FXYD6: variants seen among roughly 807,000 people sequenced by gnomAD.
FXYD6 encodes FXYD domain containing ion transport regulator 6, also known as FXYD domain-containing ion transport regulator 6.
Under a neutral mutation model 16.7 loss-of-function variants are expected in FXYD6, and 7 were observed. That is an observed-to-expected ratio of 0.42 (90% CI 0.24 to 0.79). FXYD6 has a LOEUF of 0.79. Ranked by LOEUF, FXYD6 falls within the 30% of genes least tolerant of loss-of-function variation. The pLI, the probability that FXYD6 is intolerant of heterozygous loss-of-function variation, is 0.28. For synonymous variants in FXYD6, 49 were observed against 43.0 expected, an observed-to-expected ratio of 1.14 and a Z score of -0.54; for missense variants, 111 against 116.2, an observed-to-expected ratio of 0.95 and a Z score of 0.21.
intron 1 of FXYD6, among the ~76,000 whole-genome samples, chr11:117,859,997 T>G (rs1253767251): frequency 6.6e-6 from 1 of 151,936 alleles, no homozygotes; most frequent in East Asian, 1.9e-4. Context: ...GAGTGAGGAG[T>G]TGGGCTCCAT....
chr11:117,839,378 T>G, intron 7 of FXYD6: 1 of 212,594 alleles, frequency 4.7e-6, no homozygotes, highest in Non-Finnish European at 9.4e-6. Flanking sequence ...GGTTGGGAAG[T>G]TTCATAATAA....
intron 1 of FXYD6, among the ~76,000 whole-genome samples, chr11:117,858,681 T>TTCTCTCTC (rs1442848972): frequency 1.1e-5 from 1 of 87,734 alleles, no homozygotes; most frequent in Non-Finnish European, 2.1e-5. Flanking sequence ...CTTTCTTTCT[T>TTCTCTCTC]TCTTTCTTTC....
chr11:117,858,640 T>TTTCA, intron 1 of FXYD6, among the ~76,000 whole-genome samples: 1 of 33,490 alleles, frequency 3.0e-5, no homozygotes, highest in Non-Finnish European at 6.5e-5. Context: ...TTTTTCTTTC[T>TTTCA]TTCTTTCTTT....
chr11:117,867,911 C>G (rs1217638429), intron 1 of FXYD6, among the ~76,000 whole-genome samples: 1 of 152,130 alleles, frequency 6.6e-6, no homozygotes, highest in Non-Finnish European at 1.5e-5. Context: ...CAGCTCTAAA[C>G]CCGGGCAGTG....
chr11:117,858,647 CTTTCTTTCTTTCTTTCTTTCT>C (rs2056801628), intron 1 of FXYD6, among the ~76,000 whole-genome samples: 3 of 52,812 alleles, frequency 5.7e-5, no homozygotes, highest in African/African-American at 2.2e-4. Flanking sequence ...TTCTTTCTTT[CTTTCTTTCTTTCTTTCTTTCT>C]TTCTTTCTTT....
At chr11:117,856,515 G>A (rs933066030) in intron 1 of FXYD6, among the ~76,000 whole-genome samples, 4 of 152,274 alleles carry the variant, frequency 2.6e-5, no homozygotes, top group Admixed American at 6.5e-5. Flanking sequence ...AGGATGCCCT[G>A]CTAAGAAAGA....
Position 117,872,575 on chromosome 11 carries a change from G to C in FXYD6, c.-6+4017C>G, listed in dbSNP as rs1325235461. On this transcript the variant is annotated intron_variant, in intron 1 of 7. Transcript: ENST00000526014. The surrounding 1 kb of genome is among the most constrained non-coding windows in gnomAD (Gnocchi z 4.9). ...CCTGGCTTTGTCCTCCAGCTGCGTG[G>C]GGGTCACTGTTATTCTAACTACACC... Among the ~76,000 whole-genome samples, 1 of 152,178 alleles carries C rather than the reference G, an allele frequency of 6.6e-6. No individual in the cohort carries two copies. Among genetic ancestry groups the C allele is most frequent in the Non-Finnish European group, 1.5e-5 (1 of 68,020 alleles).
At chr11:117,873,036 C>A (rs568858560) in intron 1 of FXYD6, among the ~76,000 whole-genome samples, 3 of 152,156 alleles carry the variant, frequency 2.0e-5, no homozygotes, top group South Asian at 4.1e-4. Flanking sequence ...AAGAACCCCC[C>A]CCAACCGCCG....
intron 1 of FXYD6, chr11:117,868,901 T>A (rs1006160): frequency 0.44 from 66,947 of 152,026 alleles, 15,141 homozygotes; most frequent in East Asian, 0.53. Flanking sequence ...CTGCTCACCT[T>A]TCCGGCATTT....
At chr11:117,842,098 C>G in intron 2 of FXYD6, 70 bp from the exon 3 acceptor site, 1 of 1,607,110 alleles carries the variant, frequency 6.2e-7, no homozygotes, top group Non-Finnish European at 8.5e-7. Flanking sequence ...CTAACCTTGC[C>G]TCACAGACCT....
chr11:117,860,235 G>A (rs1310926580), intron 1 of FXYD6, among the ~76,000 whole-genome samples: 2 of 152,076 alleles, frequency 1.3e-5, no homozygotes, highest in Non-Finnish European at 2.9e-5. Context: ...CACAGGGAGG[G>A]ATCACATCCA....
Position 117,839,802 on chromosome 11 carries a change from T to C in FXYD6, c.288A>G (p.Ter96TrpextTer16), listed in dbSNP as rs1182584910. The change falls in exon 7 of 8, where the codon TGA becomes TGG. Residue 96 changes from the stop codon to tryptophan (W), a stop_lost. Transcript: ENST00000526014. ...TCACCTTCCACCTGATGGCTGCACT[T>C]CAGTTCTCTGCTTTCTGGGGCTCTG... ...NATEPQKAEN[*>W] 6.2e-7 allele frequency: 1 copy of C among 1,614,098 alleles called. No homozygotes were observed. The highest frequency in any genetic ancestry group is 2.2e-5 in the East Asian group (1 of 44,902).
In FXYD6 at chr11:117,838,041, T is replaced by TCA. The variant is rs57385031; in HGVS notation, c.*256_*257dup. The stretch of plus-strand genomic sequence containing the variant: ...GACCACAGTTAGCAAACACACACAG[T>TCA]CACACACACACACACACACACACAC... On this transcript the variant is annotated 3_prime_UTR_variant, in exon 8 of 8. Transcript: ENST00000526014. 0.016 allele frequency: 9,488 copies of TCA among 584,536 alleles called. 22 individuals carry two copies. Among genetic ancestry groups the TCA allele is most frequent in the East Asian group, 0.024 (832 of 34,298 alleles). The allele number at this position is 584,536 out of a possible 1,614,324, so 36.2% of individuals were successfully genotyped here.
chr11:117,862,112 G>A (rs906602847), intron 1 of FXYD6, among the ~76,000 whole-genome samples: 1 of 152,242 alleles, frequency 6.6e-6, no homozygotes, highest in Admixed American at 6.5e-5. Flanking sequence ...GGAAGTGGGA[G>A]AGGCAGGCAA....
chr11:117,869,408 C>T (rs1340265118), intron 1 of FXYD6, among the ~76,000 whole-genome samples: 1 of 152,212 alleles, frequency 6.6e-6, no homozygotes, highest in Non-Finnish European at 1.5e-5. Context: ...CCTTCAGTAG[C>T]CCAACGGCTC....
At chr11:117,871,365 G>A (rs183585780) in intron 1 of FXYD6, among the ~76,000 whole-genome samples, 106 of 151,946 alleles carry the variant, frequency 7.0e-4, no homozygotes, top group Non-Finnish European at 1.2e-4. Context: ...CAGCACACAC[G>A]CTGTTCACTG....
chr11:117,853,138 C>T (rs2056646010), intron 1 of FXYD6, among the ~76,000 whole-genome samples: 1 of 152,184 alleles, frequency 6.6e-6, no homozygotes, highest in South Asian at 2.1e-4. Flanking sequence ...GTTTCTGTGC[C>T]TTTCAATCAC....
chr11:117,842,388 A>G, intron 2 of FXYD6: 1 of 554,618 alleles, frequency 1.8e-6, no homozygotes, highest in South Asian at 2.1e-5. Context: ...CGAGGCCAGC[A>G]CTTGCTAATA....
At chr11:117,845,150 C>T (rs1007550966) in intron 1 of FXYD6, among the ~76,000 whole-genome samples, 2 of 152,182 alleles carry the variant, frequency 1.3e-5, no homozygotes, top group East Asian at 1.9e-4. Context: ...CAGTCACCCC[C>T]GACTCCCCTT....
Sources: allele counts gnomAD v4.1 joint callset (sites outside exome capture counted in the v4.1 genomes callset), GRCh38; gene constraint gnomAD v4.1.1; non-coding constraint Gnocchi (gnomAD v3.1); transcripts MANE v1.5; gene names NCBI Gene and HGNC (gene_info 2026-07-23, HGNC 2026-07-21).